The following RUFY4 variants were observed in gnomAD, a reference collection of about 807,000 sequenced individuals.
RUFY4 encodes the protein RUN and FYVE domain containing 4.
A neutral mutation model predicts 69.0 loss-of-function variants in RUFY4; 73 were observed. That is an observed-to-expected ratio of 1.06 (90% CI 0.88 to 1.29). The LOEUF (loss-of-function observed/expected upper bound fraction) is 1.29, where lower values mean the gene tolerates loss of function less well. RUFY4 is among the 50% of genes most tolerant of loss of function. RUFY4 has a pLI of 0.00. For missense variants in RUFY4, 770 were observed against 705.6 expected, an observed-to-expected ratio of 1.09 and a Z score of -1.03; for synonymous variants, 287 against 271.8, an observed-to-expected ratio of 1.06 and a Z score of -0.55.
At chr2:218,075,319 A>C in exon 7 of RUFY4, 1 of 1,609,318 alleles carries the variant, frequency 6.2e-7, no homozygotes, top group Non-Finnish European at 8.5e-7. Flanking sequence ...CTTCAGCTAG[A>C]CCAGGAGGAA....
At chr2:218,044,590 C>T (rs943384836) in intron 2 of RUFY4, among the ~76,000 whole-genome samples, 13 of 152,220 alleles carry the variant, frequency 8.5e-5, no homozygotes, top group East Asian at 1.9e-4. Flanking sequence ...TCTTTCTCCT[C>T]CCACCCTCCA....
upstream of RUFY4, among the ~76,000 whole-genome samples, chr2:218,067,709 C>T (rs1487690998): frequency 6.6e-6 from 1 of 152,168 alleles, no homozygotes; most frequent in Non-Finnish European, 1.5e-5. Flanking sequence ...CATCCCTGTC[C>T]CTGCCACTGT....
chr2:218,080,889 G>T (rs1363436299), intron 8 of RUFY4, among the ~76,000 whole-genome samples: 1 of 152,164 alleles, frequency 6.6e-6, no homozygotes, highest in East Asian at 1.9e-4. Flanking sequence ...CCAGATTTCT[G>T]CCCCCTCCAC....
chr2:218,037,762 A>T (rs1959000866), intron 2 of RUFY4, among the ~76,000 whole-genome samples: 1 of 152,232 alleles, frequency 6.6e-6, no homozygotes, highest in African/African-American at 2.4e-5. Context: ...TTATAAAGAG[A>T]ACCGATTCCT....
intron 8 of RUFY4, among the ~76,000 whole-genome samples, chr2:218,078,065 G>T (rs537849016): frequency 6.4e-4 from 98 of 152,298 alleles, no homozygotes; most frequent in Non-Finnish European, 1.2e-3. Context: ...TCTGAGCCAG[G>T]CCTGTCCTAG....
chr2:218,054,431 T>C (rs1689013556), intron 2 of RUFY4, among the ~76,000 whole-genome samples: 1 of 151,998 alleles, frequency 6.6e-6, no homozygotes, highest in Non-Finnish European at 1.5e-5. Context: ...GGCGTGCACC[T>C]TTAATCCCAG....
chr2:218,082,822 G>A (rs1214990645), intron 8 of RUFY4, among the ~76,000 whole-genome samples: 1 of 151,922 alleles, frequency 6.6e-6, no homozygotes, highest in Non-Finnish European at 1.5e-5. Flanking sequence ...GTGTTGTGGT[G>A]TGTGTACGTA....
chr2:218,054,325 C>T (rs756034957), intron 2 of RUFY4, among the ~76,000 whole-genome samples: 2 of 152,002 alleles, frequency 1.3e-5, no homozygotes, highest in African/African-American at 2.4e-5. Context: ...GAGGTCGAGG[C>T]GGGAAGATCA....
chr2:218,057,431 A>G (rs749136001), intron 2 of RUFY4, among the ~76,000 whole-genome samples: 1 of 152,226 alleles, frequency 6.6e-6, no homozygotes, highest in Non-Finnish European at 1.5e-5. Flanking sequence ...TTTATTACAC[A>G]TGCTGTTCTA....
chr2:218,078,708 C>A (rs1472026098), intron 8 of RUFY4, among the ~76,000 whole-genome samples: 1 of 152,158 alleles, frequency 6.6e-6, no homozygotes, highest in African/African-American at 2.4e-5. Flanking sequence ...CCACCTCAAT[C>A]AATTTCAGAA....
chr2:218,075,929 C>G (rs1373493716), intron 7 of RUFY4, among the ~76,000 whole-genome samples, 189 bp downstream of exon 9: 6 of 152,082 alleles, frequency 3.9e-5, no homozygotes, highest in Admixed American at 3.9e-4. Context: ...CCCCGCCTCT[C>G]CCTATTGCCC....
At chr2:218,052,754 A>G (rs1297343347) in intron 2 of RUFY4, among the ~76,000 whole-genome samples, 1 of 151,432 alleles carries the variant, frequency 6.6e-6, no homozygotes, top group Non-Finnish European at 1.5e-5. Context: ...TTAAAAAAAA[A>G]AGATAACGTC....
At chr2:218,060,730 T>C (rs781055395) in intron 3 of RUFY4, 32 of 1,422,340 alleles carry the variant, frequency 2.2e-5, no homozygotes, top group Non-Finnish European at 3.0e-5. Flanking sequence ...GGTGAATCTG[T>C]AGCAGAACAG....
upstream of RUFY4, among the ~76,000 whole-genome samples, chr2:218,066,050 A>C (rs1381953448): frequency 6.6e-6 from 1 of 152,072 alleles, no homozygotes; most frequent in Non-Finnish European, 1.5e-5. Flanking sequence ...GGGCCTTGAG[A>C]GGGCCAGGAC....
At chr2:218,049,423 A>C (rs1688896391) in intron 2 of RUFY4, among the ~76,000 whole-genome samples, 1 of 152,132 alleles carries the variant, frequency 6.6e-6, no homozygotes, top group Non-Finnish European at 1.5e-5. Context: ...TCTCCTGGCC[A>C]GTAGAGTTTC....
At chr2:218,070,275 C>T, upstream of RUFY4, 1 of 364,306 alleles carries the variant, frequency 2.7e-6, no homozygotes, top group Non-Finnish European at 5.3e-6. Context: ...TCTCCAATCC[C>T]CTGTTTCTCC....
intron 2 of RUFY4, among the ~76,000 whole-genome samples, chr2:218,047,000 A>G (rs1688843034): frequency 6.6e-6 from 1 of 151,738 alleles, no homozygotes; most frequent in Admixed American, 6.6e-5. Flanking sequence ...TACCAAAGTG[A>G]CAATGATTTC....
intron 9 of RUFY4, 130 bp from the exon 12 acceptor site, chr2:218,089,122 T>C (rs1689965842): frequency 2.9e-6 from 2 of 684,646 alleles, no homozygotes; most frequent in Non-Finnish European, 5.0e-6. Flanking sequence ...TCCATCACCC[T>C]CTCTGTCTCT....
At position 218,048,240 on chromosome 2, in the gene RUFY4, T is replaced by G. The variant is rs182354659; in HGVS notation, c.-1157-10355T>G. On this transcript the variant is annotated intron_variant and NMD_transcript_variant, in intron 2 of 13. Transcript: ENST00000457754. Reference sequence around the variant, plus strand: ...CACGATTGCTGACCACATGTATGTCTCCTTTTGAAAAGTGTTCATGTCCTT... The same window carrying G: ...CACGATTGCTGACCACATGTATGTCGCCTTTTGAAAAGTGTTCATGTCCTT... Among the ~76,000 whole-genome samples, 461 of 152,362 alleles carry G rather than the reference T, an allele frequency of 3.0e-3. 1 individual carries two copies. The highest frequency in any genetic ancestry group is 0.011 in the African/African-American group (440 of 41,590).
Sources: gnomAD v4.1 joint callset for allele counts (sites outside exome capture counted in the v4.1 genomes callset) on GRCh38, gnomAD v4.1.1 for gene constraint, MANE v1.5 for transcripts, NCBI Gene and HGNC (gene_info 2026-07-23, HGNC 2026-07-21) for gene names.